The following ADAMTS20 variants were observed in gnomAD, a reference collection of about 807,000 sequenced individuals.
The protein encoded by ADAMTS20 is ADAM metallopeptidase with thrombospondin type 1 motif 20.
A neutral mutation model predicts 260.1 loss-of-function variants in ADAMTS20; 225 were observed. The observed-to-expected ratio is 0.87, with a 90% CI of 0.78 to 0.97. The LOEUF (loss-of-function observed/expected upper bound fraction) is 0.97, where lower values mean the gene tolerates loss of function less well. ADAMTS20 is among the 50% of genes least tolerant of loss of function. The probability of loss-of-function intolerance (pLI) is 0.00; values close to 1 mark genes in which losing one functional copy is unlikely to be tolerated. For missense variants in ADAMTS20, 2,400 were observed against 2,337.7 expected, an observed-to-expected ratio of 1.03 and a Z score of -0.55; for synonymous variants, 802 against 769.5, an observed-to-expected ratio of 1.04 and a Z score of -0.70.
intron 2 of ADAMTS20, among the ~76,000 whole-genome samples, chr12:43,539,359 A>G (rs1345072758): frequency 2.0e-5 from 3 of 152,228 alleles, no homozygotes; most frequent in Non-Finnish European, 2.9e-5. Flanking sequence ...ACCCTTATAT[A>G]GTGTGCTAAT....
At chr12:43,491,033 A>T (rs1942592139) in intron 6 of ADAMTS20, among the ~76,000 whole-genome samples, 1 of 152,112 alleles carries the variant, frequency 6.6e-6, no homozygotes, top group East Asian at 1.9e-4. Flanking sequence ...AATTAAATCA[A>T]TTCTACTTTA....
intron 29 of ADAMTS20, 124 bp downstream of exon 29, chr12:43,398,942 G>A: frequency 1.8e-6 from 1 of 567,946 alleles, no homozygotes; most frequent in Non-Finnish European, 2.6e-6. Flanking sequence ...ACAGCATAGT[G>A]CAAAAAAGTA....
intron 3 of ADAMTS20, among the ~76,000 whole-genome samples, chr12:43,522,370 C>A (rs1010955234): frequency 6.6e-6 from 1 of 152,226 alleles, no homozygotes; most frequent in Non-Finnish European, 1.5e-5. Context: ...ATGGGGATTA[C>A]AGTCCAAGGT....
chr12:43,471,274 A>G (rs955106962), intron 7 of ADAMTS20, among the ~76,000 whole-genome samples: 1 of 152,088 alleles, frequency 6.6e-6, no homozygotes, highest in Non-Finnish European at 1.5e-5. Context: ...TGCGCTTTTC[A>G]GACCGGCTTA....
At chr12:43,527,596 T>A (rs945746047) in intron 3 of ADAMTS20, among the ~76,000 whole-genome samples, 1 of 152,036 alleles carries the variant, frequency 6.6e-6, no homozygotes, top group Admixed American at 6.6e-5. Context: ...AACCATATGA[T>A]CTCAACAGAT....
At chr12:43,413,612 G>A (rs1264153349) in intron 28 of ADAMTS20, among the ~76,000 whole-genome samples, 1 of 152,102 alleles carries the variant, frequency 6.6e-6, no homozygotes, top group Non-Finnish European at 1.5e-5. Flanking sequence ...TCATGTTTAA[G>A]TATTTCAATA....
At position 43,466,686 on chromosome 12, in the gene ADAMTS20, T is replaced by C; in HGVS notation, c.1333A>G (p.Asn445Asp). Residue 445 changes from asparagine (N) to aspartate (D), a missense_variant, in exon 9 of 39, where the codon AAC becomes GAC. Transcript: ENST00000389420. ...TCAGTAACATATTTCCGACTACAGT[T>C]TGACCAGCTCCAAGGACTCATGTGA... ...SFHMSPWSWSNCSRKYVTEFL... is the reference protein window; with the variant it reads ...SFHMSPWSWSDCSRKYVTEFL... 1 of 1,610,592 alleles carries C rather than the reference T, an allele frequency of 6.2e-7. No homozygotes were observed. Among genetic ancestry groups the C allele is most frequent in the South Asian group, 1.1e-5 (1 of 90,228 alleles).
chr12:43,484,750 AG>A (rs1428862854), intron 7 of ADAMTS20, among the ~76,000 whole-genome samples: 1 of 152,194 alleles, frequency 6.6e-6, no homozygotes, highest in Admixed American at 6.5e-5. Context: ...AAAATCAAAA[AG>A]TTTGTAAAAT....
intron 28 of ADAMTS20, among the ~76,000 whole-genome samples, chr12:43,405,186 G>A (rs1940888339): frequency 8.1e-6 from 1 of 122,850 alleles, no homozygotes; most frequent in Non-Finnish European, 1.6e-5. Flanking sequence ...TTGAACCCAG[G>A]AGTTTGAGAT....
chr12:43,433,489 T>C (rs758305970), intron 19 of ADAMTS20, among the ~76,000 whole-genome samples: 4 of 152,186 alleles, frequency 2.6e-5, no homozygotes, highest in Non-Finnish European at 5.9e-5. Flanking sequence ...ATGCAACTTA[T>C]ATAGGCAGTT....
In ADAMTS20 at chr12:43,466,860, C is replaced by A. The variant is rs1018190656; in HGVS notation, c.1224-65G>T. On this transcript the variant is annotated intron_variant, in intron 8 of 38. Transcript: ENST00000389420. ...ATGCTTACGATATTAGTAATAGATCCTTTATAGTCACATTATAATACAATA... is the reference window on the plus strand; with the variant it reads ...ATGCTTACGATATTAGTAATAGATCATTTATAGTCACATTATAATACAATA... 9 of 1,195,002 alleles carry A rather than the reference C, an allele frequency of 7.5e-6. No homozygotes were observed. In the Admixed American group the frequency reaches 2.0e-4, roughly 26 times the overall value. The allele number at this position is 1,195,002 out of a possible 1,614,324, so 74.0% of individuals were successfully genotyped here.
chr12:43,436,319 G>A (rs1941554196), intron 18 of ADAMTS20, among the ~76,000 whole-genome samples: 1 of 152,000 alleles, frequency 6.6e-6, no homozygotes, highest in Non-Finnish European at 1.5e-5. Context: ...AGAATTAATT[G>A]AAAAGTATTT....
At chr12:43,490,038 G>A (rs542005662) in intron 7 of ADAMTS20, among the ~76,000 whole-genome samples, 4 of 152,148 alleles carry the variant, frequency 2.6e-5, no homozygotes, top group African/African-American at 7.2e-5. Flanking sequence ...AAAGTAGAGT[G>A]ATGGAAAATG....
intron 31 of ADAMTS20, 112 bp downstream of exon 31, chr12:43,383,446 C>T: frequency 9.6e-7 from 1 of 1,040,228 alleles, no homozygotes; most frequent in Non-Finnish European, 1.4e-6. Context: ...GATATGCATA[C>T]CATCATCTGC....
intron 28 of ADAMTS20, among the ~76,000 whole-genome samples, chr12:43,405,503 T>C (rs1316407649): frequency 6.6e-6 from 1 of 150,402 alleles, no homozygotes; most frequent in African/African-American, 2.4e-5. Flanking sequence ...TGTAAACATT[T>C]CATATGCTTT....
chr12:43,523,818 A>T (rs1262214652), intron 3 of ADAMTS20, among the ~76,000 whole-genome samples: 2 of 151,956 alleles, frequency 1.3e-5, no homozygotes, highest in Admixed American at 6.6e-5. Context: ...CAGAGCAAGG[A>T]CTTGCCTGAC....
chr12:43,511,094 T>C (rs758764666), intron 3 of ADAMTS20, among the ~76,000 whole-genome samples: 6 of 152,146 alleles, frequency 3.9e-5, no homozygotes, highest in Non-Finnish European at 7.4e-5. Flanking sequence ...CCATTTCTCC[T>C]TCAAAATGCT....
chr12:43,410,842 A>C (rs1234794690), intron 28 of ADAMTS20, among the ~76,000 whole-genome samples: 2 of 152,226 alleles, frequency 1.3e-5, no homozygotes, highest in African/African-American at 2.4e-5. Context: ...ATGTTTACTT[A>C]GTTTTCCTAA....
chr12:43,435,599 C>G (rs1186014208), intron 18 of ADAMTS20, among the ~76,000 whole-genome samples: 1 of 147,274 alleles, frequency 6.8e-6, no homozygotes, highest in Non-Finnish European at 1.5e-5. Flanking sequence ...CGAGATCGCA[C>G]CACTGCACTC....
Sources: allele counts gnomAD v4.1 joint callset (sites outside exome capture counted in the v4.1 genomes callset), GRCh38; gene constraint gnomAD v4.1.1; transcripts MANE v1.5; gene names NCBI Gene and HGNC (gene_info 2026-07-23, HGNC 2026-07-21).